GLRA3: variants seen among roughly 807,000 people sequenced by gnomAD.
The protein encoded by GLRA3 is glycine receptor alpha 3, also known as glycine receptor subunit alpha-3.
Under a neutral mutation model 60.4 loss-of-function variants are expected in GLRA3, and 44 were observed. The ratio of observed to expected loss-of-function variants is 0.73; its 90% confidence interval spans 0.57 to 0.94. The LOEUF (loss-of-function observed/expected upper bound fraction) is 0.94, where lower values mean the gene tolerates loss of function less well. GLRA3 is among the 40% of genes least tolerant of loss of function. The pLI is 0.00. For synonymous variants in GLRA3, 223 were observed against 192.9 expected, an observed-to-expected ratio of 1.16 and a Z score of -1.29; for missense variants, 508 against 564.6, an observed-to-expected ratio of 0.90 and a Z score of 1.02.
At chr4:174,817,343 A>G (rs1740547845) in intron 1 of GLRA3, among the ~76,000 whole-genome samples, 1 of 152,214 alleles carries the variant, frequency 6.6e-6, no homozygotes, top group African/African-American at 2.4e-5. Flanking sequence ...AAGGATTGGC[A>G]ACCTCCATTC....
rs376118696 is a variant in GLRA3 at position 174,644,056 on chromosome 4, C to T, written c.1125G>A (p.Glu375=). 6 of 1,599,730 alleles carry T rather than the reference C, an allele frequency of 3.8e-6. No homozygotes were observed. Among genetic ancestry groups the T allele is most frequent in the African/African-American group, 1.3e-5 (1 of 74,212 alleles). The part of the protein sequence containing the change: ...KFYRFSDMDD[E]VRESRFSFTA... Reference sequence around the variant, plus strand: ...TGAAGCTGAATCGGCTTTCCCTTACCTCATCATCCTGTCAAAGAAAAATGT... The same window carrying T: ...TGAAGCTGAATCGGCTTTCCCTTACTTCATCATCCTGTCAAAGAAAAATGT... Residue 375 remains glutamate, a synonymous_variant, in exon 10 of 10, where the codon GAG becomes GAA. Transcript: ENST00000274093.
chr4:174,819,626 G>T (rs572803903), intron 1 of GLRA3, among the ~76,000 whole-genome samples: 8 of 151,980 alleles, frequency 5.3e-5, no homozygotes, highest in African/African-American at 1.9e-4. Context: ...TACTATTTCG[G>T]GTAGTTATTC....
At chr4:174,721,877 G>GTA (rs749361171) in intron 4 of GLRA3, among the ~76,000 whole-genome samples, 4 of 150,812 alleles carry the variant, frequency 2.7e-5, no homozygotes, top group Admixed American at 6.6e-5. Flanking sequence ...ATATGTGTGT[G>GTA]TATATATATA....
At chr4:174,742,642 T>C (rs1035689658) in intron 3 of GLRA3, among the ~76,000 whole-genome samples, 1 of 152,156 alleles carries the variant, frequency 6.6e-6, no homozygotes, top group African/African-American at 2.4e-5. Context: ...AGATGGAAAT[T>C]CAGACTTGCA....
At chr4:174,696,256 T>C (rs1011558425) in intron 5 of GLRA3, among the ~76,000 whole-genome samples, 1 of 151,798 alleles carries the variant, frequency 6.6e-6, no homozygotes, top group Non-Finnish European at 1.5e-5. Context: ...GAAAATCTAA[T>C]TGTATTTAAA....
In GLRA3 at chr4:174,725,621, C is replaced by G. The variant is rs556137498; in HGVS notation, c.491+2854G>C. On this transcript the variant is annotated intron_variant, in intron 4 of 9. Transcript: ENST00000274093. ...TTAGTCTTCCTAGTCACTGGGAACA[C>G]AGGTGAACGCCACCTTGCCCAGCTA... 4.0e-4 allele frequency among the ~76,000 whole-genome samples: 61 copies of G among 152,150 alleles called. 1 individual carries two copies. Among genetic ancestry groups the G allele is most frequent in the Admixed American group, 1.3e-3 (20 of 15,262 alleles).
At chr4:174,753,939 T>A (rs1579554707) in intron 3 of GLRA3, among the ~76,000 whole-genome samples, 1 of 152,074 alleles carries the variant, frequency 6.6e-6, no homozygotes, top group African/African-American at 2.4e-5. Flanking sequence ...GGTCTGTGCC[T>A]GACGACTCTC....
chr4:174,673,169 G>C (rs1285159132), intron 7 of GLRA3, among the ~76,000 whole-genome samples: 1 of 152,014 alleles, frequency 6.6e-6, no homozygotes, highest in Non-Finnish European at 1.5e-5. Context: ...ATAAAATAAA[G>C]GGTAAGGTGT....
At chr4:174,785,654 C>A (rs1173427959) in intron 2 of GLRA3, among the ~76,000 whole-genome samples, 1 of 152,084 alleles carries the variant, frequency 6.6e-6, no homozygotes, top group African/African-American at 2.4e-5. Context: ...TTTATAAGCA[C>A]CTTTCTATCA....
intron 4 of GLRA3, among the ~76,000 whole-genome samples, chr4:174,726,554 A>G (rs1037412889): frequency 6.6e-6 from 1 of 151,992 alleles, no homozygotes; most frequent in Non-Finnish European, 1.5e-5. Flanking sequence ...TGGGACTTTG[A>G]TTTTTGTCTG....
chr4:174,806,178 C>T (rs1352809733), intron 1 of GLRA3, among the ~76,000 whole-genome samples: 2 of 152,028 alleles, frequency 1.3e-5, no homozygotes, highest in Non-Finnish European at 2.9e-5. Flanking sequence ...AATAATTAAG[C>T]TTAAAATTAT....
At chr4:174,712,568 T>C (rs576448129) in intron 5 of GLRA3, 16 of 152,298 alleles carry the variant, frequency 1.1e-4, no homozygotes, top group African/African-American at 3.6e-4. Flanking sequence ...AGTTGTACCA[T>C]TGCAAGCCAT....
intron 2 of GLRA3, among the ~76,000 whole-genome samples, chr4:174,776,912 T>C (rs575639734): frequency 1.6e-4 from 25 of 152,192 alleles, no homozygotes; most frequent in African/African-American, 6.0e-4. Context: ...ATTACAGAGT[T>C]AAAATCTCCC....
intron 5 of GLRA3, among the ~76,000 whole-genome samples, chr4:174,688,579 AGTGTGTGTGTGT>A (rs59653917): frequency 0.011 from 1,451 of 133,930 alleles, 33 homozygotes; most frequent in African/African-American, 0.038. Flanking sequence ...GGAAGGAGGA[AGTGTGTGTGTGT>A]GTGTGTGTGT....
intron 3 of GLRA3, among the ~76,000 whole-genome samples, chr4:174,749,349 C>A (rs1737372774): frequency 6.6e-6 from 1 of 152,070 alleles, no homozygotes; most frequent in Non-Finnish European, 1.5e-5. Context: ...CTGTTACAAC[C>A]ACTGAATGCA....
chr4:174,807,195 GA>G (rs1424456053), intron 1 of GLRA3, among the ~76,000 whole-genome samples: 3 of 151,858 alleles, frequency 2.0e-5, no homozygotes, highest in African/African-American at 7.2e-5. Flanking sequence ...CAATCTACTG[GA>G]AAATAATAAC....
At position 174,649,085 on chromosome 4, in the gene GLRA3, A is replaced by C. The variant is rs1468767675; in HGVS notation, c.1117-5021T>G. The stretch of plus-strand genomic sequence containing the variant: ...CAGTTAAGGCAGCTGAAAGAAACAG[A>C]CTGACTCGAAGGCCAGGATTTCCAT... On this transcript the variant is annotated intron_variant, in intron 9 of 9. Transcript: ENST00000274093. Among the ~76,000 whole-genome samples, 10 of 152,120 alleles carry C rather than the reference A, an allele frequency of 6.6e-5. No homozygotes were observed. The South Asian group carries it at 2.1e-3, about 32-fold the overall frequency.
At position 174,728,674 on chromosome 4, in the gene GLRA3, G is replaced by A. The variant is rs368508904; in HGVS notation, c.292C>T (p.Arg98Cys). Residue 98 changes from arginine to cysteine, a missense_variant, in exon 4 of 10, where the codon CGT becomes TGT. Around this residue, in one of 3 missense-constraint regions of GLRA3, gnomAD observed 329 missense variants for 349.3 expected, o/e 0.94. Transcript: ENST00000274093. ...TMDYRVNIFLRQKWNDPRLAY... is the reference protein window; with the variant it reads ...TMDYRVNIFLCQKWNDPRLAY... ...AGGCGGGGATCATTCCATTTCTGAC[G>A]AAGAAAGATATTCACTCTGTAATCC... The A allele has an allele frequency of 5.0e-6, 8 of 1,595,644 alleles. No individual in the cohort carries two copies. Among genetic ancestry groups the A allele is most frequent in the Non-Finnish European group, 6.9e-6 (8 of 1,165,036 alleles).
intron 9 of GLRA3, among the ~76,000 whole-genome samples, chr4:174,656,489 A>T (rs904006298): frequency 6.6e-6 from 1 of 152,112 alleles, no homozygotes; most frequent in Non-Finnish European, 1.5e-5. Context: ...AATCATTTTG[A>T]CCAATCAAAT....
Sources: gnomAD v4.1 joint callset for allele counts (sites outside exome capture counted in the v4.1 genomes callset) on GRCh38, gnomAD v4.1.1 for gene constraint, gnomAD v4.1.1 regional missense constraint, MANE v1.5 for transcripts, NCBI Gene and HGNC (gene_info 2026-07-23, HGNC 2026-07-21) for gene names.